Variants in IRAG1 observed in about 807,000 individuals in gnomAD.
The protein encoded by IRAG1 is inositol 1,4,5-triphosphate receptor associated 1.
Under a neutral mutation model 106.2 loss-of-function variants are expected in IRAG1, and 62 were observed. The ratio of observed to expected loss-of-function variants is 0.58; its 90% CI spans 0.48 to 0.72. The LOEUF (loss-of-function observed/expected upper bound fraction) is 0.72, where lower values mean the gene tolerates loss of function less well. IRAG1 is among the 30% of genes least tolerant of loss of function. The pLI is 0.00. For synonymous variants in IRAG1, 462 were observed against 443.9 expected (o/e 1.04, Z -0.51); for missense variants, 1,064 against 1,140.7 (o/e 0.93, Z 0.97).
chr11:10,674,652 A>G (rs1033517684), intron 1 of IRAG1, among the ~76,000 whole-genome samples: 1 of 152,230 alleles, frequency 6.6e-6, no homozygotes, highest in Non-Finnish European at 1.5e-5. Flanking sequence ...ACCTGGCCCA[A>G]TGAAGGCATC....
chr11:10,687,552 C>A (rs78721393), intron 1 of IRAG1: 9 of 702,744 alleles, frequency 1.3e-5, no homozygotes. Flanking sequence ...ATCAGTCATA[C>A]GGGTGATATT....
At chr11:10,639,844 T>G (rs576028705) in intron 2 of IRAG1, among the ~76,000 whole-genome samples, 1 of 152,294 alleles carries the variant, frequency 6.6e-6, no homozygotes, top group East Asian at 1.9e-4. Context: ...GGCACTGGGC[T>G]GGCAATGATC....
chr11:10,633,132 T>C (rs1591642802), intron 3 of IRAG1, among the ~76,000 whole-genome samples: 1 of 149,186 alleles, frequency 6.7e-6, no homozygotes, highest in Admixed American at 6.8e-5. Flanking sequence ...TGGAGTGCAG[T>C]GGCGCGATCT....
At chr11:10,680,395 AGG>A (rs1334983847) in intron 1 of IRAG1, among the ~76,000 whole-genome samples, 56 of 105,974 alleles carry the variant, frequency 5.3e-4, no homozygotes, top group Middle Eastern at 3.8e-3. Flanking sequence ...GAAGGAAGGA[AGG>A]AAGGAAGGAA....
In IRAG1 at chr11:10,628,766, C is replaced by T. The variant is rs768062928; in HGVS notation, c.637G>A (p.Val213Ile). 6.5e-7 allele frequency: 1 copy of T among 1,547,622 alleles called. No homozygotes were observed. Among genetic ancestry groups the T allele is most frequent in the Non-Finnish European group, 8.7e-7 (1 of 1,152,766 alleles). Reference sequence around the variant, plus strand: ...TGGGCCTCACCTGGCGGGGTGGGGACTGTAAGTGAGTTGCTCCGAGAGGAT... The same window carrying T: ...TGGGCCTCACCTGGCGGGGTGGGGATTGTAAGTGAGTTGCTCCGAGAGGAT... ...PTSSRSNSLT[V>I]PTPPGLDVCS... The change falls in exon 6 of 21, where the codon GTC (valine) becomes ATC (isoleucine). Residue 213 changes from valine (V) to isoleucine (I), a missense_variant. Transcript: ENST00000423302. This position sits in a 1 kb window ranked among gnomAD's most constrained non-coding sequence, Gnocchi z 4.1.
intron 10 of IRAG1, among the ~76,000 whole-genome samples, chr11:10,614,199 A>G (rs1354588355): frequency 6.6e-6 from 1 of 152,024 alleles, no homozygotes; most frequent in Non-Finnish European, 1.5e-5. Context: ...CCCTTCCCCA[A>G]GGGGCTCTGT....
rs543421819 is a variant in IRAG1, at chr11:10,604,523, A to G, written c.1625T>C (p.Leu542Ser). The change falls in exon 13 of 21, where the codon TTG becomes TCG. Residue 542 changes from leucine (L) to serine (S), a missense_variant. Coordinates refer to ENST00000423302, the MANE Select transcript of IRAG1 (RefSeq NM_130385.4). The stretch of plus-strand genomic sequence containing the variant: ...AGTGTAGCTGTCATTTCTAAAGGCC[A>G]AGGACAGTTGCACAAACACGTTCTG... Reference protein sequence around the residue: ...EVENVFVQLSLAFRNDSYTLE... With the variant: ...EVENVFVQLSSAFRNDSYTLE... 21 of 1,614,042 alleles carry G rather than the reference A, an allele frequency of 1.3e-5. No individual in the cohort carries two copies. In the South Asian group the frequency reaches 1.8e-4, roughly 14 times the overall value.
At chr11:10,670,575 G>T (rs1358108602) in intron 1 of IRAG1, among the ~76,000 whole-genome samples, 2 of 152,150 alleles carry the variant, frequency 1.3e-5, no homozygotes, top group African/African-American at 4.8e-5. Flanking sequence ...AACCAAGAAG[G>T]CTATTGCTAT....
rs751647877 is a variant in IRAG1, at chr11:10,593,508, G to A, written c.2159C>T (p.Pro720Leu). The change falls in exon 17 of 21, where the codon CCC becomes CTC. Residue 720 changes from proline to leucine, a missense_variant. Physicochemically the swap from Pro to Leu is moderately conservative, Grantham distance 98. Transcript: ENST00000423302. The stretch of plus-strand genomic sequence containing the variant: ...CATACTTACCAAGGCTGGTAAGGAG[G>A]GAATGGATGATGAGCTGGGAGTTTG... ...PGQTPSSSSI[P>L]SLPALSESPN... 6.2e-7 allele frequency: 1 copy of A among 1,613,592 alleles called. No individual in the cohort carries two copies. The highest frequency in any genetic ancestry group is 2.2e-5 in the East Asian group (1 of 44,874).
At chr11:10,662,649 T>C (rs7951153) in intron 1 of IRAG1, among the ~76,000 whole-genome samples, 101,192 of 152,156 alleles carry the variant, frequency 0.67, 35,088 homozygotes, top group East Asian at 0.97. Context: ...TGGTTATGTG[T>C]GTTCAAATGC....
intron 10 of IRAG1, among the ~76,000 whole-genome samples, chr11:10,618,979 G>C (rs1855637739): frequency 6.6e-6 from 1 of 152,150 alleles, no homozygotes; most frequent in Admixed American, 6.5e-5. Context: ...CAGGGAGAGG[G>C]GACCAGGTTG....
intron 3 of IRAG1, among the ~76,000 whole-genome samples, 196 bp downstream of exon 3, chr11:10,633,772 G>A (rs1463225929): frequency 6.6e-6 from 1 of 152,122 alleles, no homozygotes; most frequent in Non-Finnish European, 1.5e-5. Context: ...ACATCCAGGA[G>A]AGGAAAAATC....
chr11:10,627,484 G>T (rs751643321), intron 8 of IRAG1, among the ~76,000 whole-genome samples: 3 of 152,164 alleles, frequency 2.0e-5, no homozygotes, highest in Non-Finnish European at 4.4e-5. Context: ...GGTCAGCGCT[G>T]TGAGTATTGC....
chr11:10,635,240 A>C (rs1050653479), intron 2 of IRAG1, among the ~76,000 whole-genome samples: 1 of 152,172 alleles, frequency 6.6e-6, no homozygotes, highest in Non-Finnish European at 1.5e-5. Flanking sequence ...TCCTTCCATC[A>C]ACTTAAGAGG....
In IRAG1 at chr11:10,580,460, T is replaced by C. The variant is rs1851276123; in HGVS notation, c.2490A>G (p.Arg830=). ...TCCAAACACAGGCTTCCCACCTGCT[T>C]CTTGGGCCCTTTTCCTCTTCCTCAG... The part of the protein sequence containing the change: ...EETEEEEKGP[R]SSKLEELVHF... The change falls in exon 20 of 21, where the codon AGA becomes AGG. Residue 830 remains arginine, a synonymous_variant. Coordinates refer to ENST00000423302, the MANE Select transcript of IRAG1 (RefSeq NM_130385.4). 6.2e-7 allele frequency: 1 copy of C among 1,612,058 alleles called. No individual in the cohort carries two copies. The highest frequency in any genetic ancestry group is 8.5e-7 in the Non-Finnish European group (1 of 1,179,370).
At chr11:10,582,498 AAT>A in intron 18 of IRAG1, among the ~76,000 whole-genome samples, 1 of 152,378 alleles carries the variant, frequency 6.6e-6, no homozygotes, top group South Asian at 2.1e-4. Flanking sequence ...GGAAAGAAAA[AAT>A]ATGTGATTAA....
chr11:10,603,537 T>C (rs1854214420), intron 13 of IRAG1, among the ~76,000 whole-genome samples: 1 of 152,116 alleles, frequency 6.6e-6, no homozygotes, highest in South Asian at 2.1e-4. Context: ...CAGGAGGTCA[T>C]GCTCTCAGGC....
At chr11:10,577,451 C>G (rs897485451) in intron 20 of IRAG1, among the ~76,000 whole-genome samples, 20 of 152,258 alleles carry the variant, frequency 1.3e-4, no homozygotes, top group African/African-American at 4.1e-4. Context: ...TTGACAAGTT[C>G]ATTCTAGAGC....
At position 10,609,752 on chromosome 11, in the gene IRAG1, C is replaced by T. The variant is rs768494007; in HGVS notation, c.1547G>A (p.Arg516Gln). The T allele has an allele frequency of 2.6e-5, 42 of 1,613,682 alleles. 1 individual carries two copies. Among genetic ancestry groups the T allele is most frequent in the Non-Finnish European group, 3.2e-5 (38 of 1,179,802 alleles). ...CCTTCCAGGGAGACTCCTGTGGACC[C>T]GCAGTTTGCGCAGCAGCACATCAGA... ...NISDVLLRKL[R>Q]VHRSLPGSAP... is the part of the protein sequence containing the mutation. The change falls in exon 11 of 21, where the codon CGG becomes CAG. Residue 516 changes from arginine (R) to glutamine (Q), a missense_variant. Transcript: ENST00000423302.
Sources: gnomAD v4.1 joint callset for allele counts (sites outside exome capture counted in the v4.1 genomes callset) on GRCh38, gnomAD v4.1.1 for gene constraint, Gnocchi (gnomAD v3.1) non-coding constraint, MANE v1.5 for transcripts, NCBI Gene and HGNC (gene_info 2026-07-23, HGNC 2026-07-21) for gene names.